The following ANKRD30B variants were observed in gnomAD, a reference collection of about 807,000 sequenced individuals.
The protein encoded by ANKRD30B is ankyrin repeat domain-containing protein 30B.
Under a neutral mutation model 202.2 loss-of-function variants are expected in ANKRD30B, and 144 were observed. The observed-to-expected ratio is 0.71, with a 90% CI of 0.62 to 0.82. The LOEUF is 0.82. Ranked by LOEUF, ANKRD30B falls within the 40% of genes least tolerant of loss-of-function variation. ANKRD30B has a pLI of 0.00. For missense variants in ANKRD30B, 1,487 were observed against 1,669.1 expected (o/e 0.89, Z 1.90); for synonymous variants, 508 against 561.3 (o/e 0.91, Z 1.34).
chr18:14,822,656 G>A lies in ANKRD30B; in HGVS notation c.2722G>A (p.Asp908Asn). The change falls in exon 32 of 44, where the codon GAC becomes AAC. Residue 908 changes from aspartate to asparagine, a missense_variant. This residue lies in a region of ANKRD30B where 218 missense variants were observed against 320.1 expected (regional missense o/e 0.68). Coordinates refer to ENST00000690538, the MANE Select transcript of ANKRD30B (RefSeq NM_001367607.2). ...SLPNKALELK[D>N]RETFKAEDVS... ...TCCAAATAAAGCCTTAGAATTGAAG[G>A]ACAGAGAAACATTCAAAGCAGGTAA... 1.4e-6 allele frequency: 2 copies of A among 1,444,326 alleles called. No individual in the cohort carries two copies. 89.5% of individuals were successfully genotyped at this position (1,444,326 alleles called of 1,614,324 possible).
chr18:14,838,002 C>T (rs1337873437), intron 36 of ANKRD30B, among the ~76,000 whole-genome samples: 2 of 151,920 alleles, frequency 1.3e-5, no homozygotes, highest in Non-Finnish European at 2.9e-5. Flanking sequence ...GGCAACAGAG[C>T]GAGACTCCAT....
At chr18:14,902,526 T>C in the ANKRD30B span, among the ~76,000 whole-genome samples, 9 of 152,322 alleles carry the variant, frequency 5.9e-5, no homozygotes, top group South Asian at 6.2e-4. Flanking sequence ...GGCTGTACTT[T>C]AGTCAAATAA....
intron 39 of ANKRD30B, among the ~76,000 whole-genome samples, chr18:14,847,448 C>A (rs1396096028): frequency 7.3e-6 from 1 of 137,664 alleles, no homozygotes; most frequent in Non-Finnish European, 1.6e-5. Context: ...TGTGGACTTA[C>A]ATATTACCTG....
the ANKRD30B span, among the ~76,000 whole-genome samples, chr18:14,914,429 A>AT: frequency 6.6e-6 from 1 of 152,124 alleles, no homozygotes; most frequent in African/African-American, 2.4e-5. Context: ...TGAGGGTCAG[A>AT]TTTTTTCAAA....
chr18:14,831,253 T>C (rs1970925585), intron 33 of ANKRD30B, 130 bp from the exon 34 acceptor site: 5 of 627,098 alleles, frequency 8.0e-6, no homozygotes, highest in Non-Finnish European at 1.1e-5. Flanking sequence ...TTTAATATAT[T>C]GAGGACTGAT....
In ANKRD30B at chr18:14,809,996, T is replaced by C. The variant is rs766892760; in HGVS notation, c.2397T>C (p.Asp799=). The change falls in exon 27 of 44, where the codon GAT becomes GAC. Residue 799 remains aspartate (D), a synonymous_variant. Transcript: ENST00000690538. ...TCCCTTTTCTTTTAGAGTCTCCTGATAAAGATGGTCTTCTGAAGGTAATAA... is the reference window on the plus strand; with the variant it reads ...TCCCTTTTCTTTTAGAGTCTCCTGACAAAGATGGTCTTCTGAAGGTAATAA... ...DRETLKAESP[D]KDGLLKPTCV... 10 of 1,428,486 alleles carry C rather than the reference T, an allele frequency of 7.0e-6. No individual in the cohort carries two copies. The highest frequency in any genetic ancestry group is 9.8e-6 in the Non-Finnish European group (10 of 1,021,996). The allele number at this position is 1,428,486 out of a possible 1,614,324, so 88.5% of individuals were successfully genotyped here. A position where few individuals can be genotyped will look rare whatever the true frequency, so the allele number is the denominator to read the frequency against.
intron 16 of ANKRD30B, among the ~76,000 whole-genome samples, chr18:14,795,940 T>C (rs545993520): frequency 2.6e-5 from 4 of 152,202 alleles, no homozygotes; most frequent in Admixed American, 2.6e-4. Flanking sequence ...ATCTTACTGG[T>C]ATTAGGATTT....
intron 11 of ANKRD30B, among the ~76,000 whole-genome samples, chr18:14,780,628 C>T (rs1214040679): frequency 6.6e-6 from 1 of 152,244 alleles, no homozygotes; most frequent in African/African-American, 2.4e-5. Flanking sequence ...AAGAATTACT[C>T]TGAGTCCACC....
the ANKRD30B span, among the ~76,000 whole-genome samples, chr18:14,892,107 G>A: frequency 1.3e-5 from 2 of 152,210 alleles, no homozygotes; most frequent in African/African-American, 4.8e-5. Context: ...TCATTAAGAA[G>A]TCAATATTTT....
At chr18:14,902,081 T>G in the ANKRD30B span, among the ~76,000 whole-genome samples, 1 of 152,170 alleles carries the variant, frequency 6.6e-6, no homozygotes, top group Non-Finnish European at 1.5e-5. Flanking sequence ...AAGTGAAAAC[T>G]CCTGAAAAAA....
chr18:14,777,971 A>G lies in ANKRD30B; in HGVS notation c.1330-14A>G, dbSNP rs1417564207. The G allele has an allele frequency of 6.6e-6, 10 of 1,515,496 alleles. No homozygotes were observed. Among genetic ancestry groups the G allele is most frequent in the Non-Finnish European group, 8.0e-6 (9 of 1,120,934 alleles). The allele number at this position is 1,515,496 out of a possible 1,614,324, so 93.9% of individuals were successfully genotyped here. ...GGAAAAAGACAAATTATTTATTGGT[A>G]TTACCTTTAACAGATTATCTCTAAG... On this transcript the variant is annotated splice_polypyrimidine_tract_variant and intron_variant, in intron 9 of 43. Transcript: ENST00000690538.
chr18:14,790,171 T>G (rs1968372420), intron 15 of ANKRD30B, among the ~76,000 whole-genome samples: 1 of 152,210 alleles, frequency 6.6e-6, no homozygotes, highest in Non-Finnish European at 1.5e-5. Flanking sequence ...GGGAGTTCAC[T>G]CATGATTTGG....
chr18:14,817,450 A>G (rs1033114387), intron 30 of ANKRD30B, among the ~76,000 whole-genome samples: 7 of 152,204 alleles, frequency 4.6e-5, no homozygotes, highest in African/African-American at 1.2e-4. Context: ...AGGGGTAATC[A>G]GATCACAATT....
chr18:14,779,898 A>G (rs889519495), intron 10 of ANKRD30B, 62 bp from the exon 11 acceptor site: 8 of 1,158,982 alleles, frequency 6.9e-6, no homozygotes, highest in Non-Finnish European at 1.0e-5. Context: ...AGATTTGTAT[A>G]TGTTTTTAAA....
intron 9 of ANKRD30B, 67 bp downstream of exon 9, chr18:14,772,295 A>G: frequency 1.0e-6 from 1 of 995,696 alleles, no homozygotes. Context: ...ATTTCTTAGC[A>G]GTGGTGTATG....
chr18:14,893,689 T>C, the ANKRD30B span, among the ~76,000 whole-genome samples: 11 of 151,776 alleles, frequency 7.2e-5, no homozygotes, highest in African/African-American at 2.7e-4. Context: ...GAAAGCATAA[T>C]AGAAAAATAT....
chr18:14,780,188 T>TA (rs1423091735), intron 11 of ANKRD30B, among the ~76,000 whole-genome samples, 167 bp downstream of exon 11: 2 of 152,228 alleles, frequency 1.3e-5, no homozygotes, highest in African/African-American at 4.8e-5. Flanking sequence ...CTCATGCCTG[T>TA]AATGCCAGCA....
At chr18:14,815,515 G>A (rs1230906030) in intron 30 of ANKRD30B, among the ~76,000 whole-genome samples, 3 of 152,148 alleles carry the variant, frequency 2.0e-5, no homozygotes, top group Non-Finnish European at 1.5e-5. Context: ...AGAGTAATTG[G>A]ATAGAGGGTC....
the ANKRD30B span, among the ~76,000 whole-genome samples, chr18:14,867,447 G>A: frequency 6.6e-6 from 1 of 151,984 alleles, no homozygotes; most frequent in Non-Finnish European, 1.5e-5. Flanking sequence ...GGTTCTAGAG[G>A]GTGAACAACT....
Sources: gnomAD v4.1 joint callset for allele counts (sites outside exome capture counted in the v4.1 genomes callset) on GRCh38, gnomAD v4.1.1 for gene constraint, gnomAD v4.1.1 regional missense constraint, MANE v1.5 for transcripts, NCBI Gene and HGNC (gene_info 2026-07-23, HGNC 2026-07-21) for gene names.